Variants in GPR176 observed in about 807,000 individuals in gnomAD.
GPR176 encodes G-protein coupled receptor 176.
GPR176 carries 26 observed loss-of-function variants against 35.4 expected under a neutral mutation model. The observed-to-expected ratio is 0.74, with a 90% confidence interval of 0.54 to 1.02. The LOEUF is 1.02. GPR176 is among the 50% of genes least tolerant of loss of function. GPR176 has a pLI of 0.00. For synonymous variants in GPR176, 278 were observed against 271.3 expected, an observed-to-expected ratio of 1.02 and a Z score of -0.24; for missense variants, 597 against 665.3, an observed-to-expected ratio of 0.90 and a Z score of 1.13.
intron 1 of GPR176, among the ~76,000 whole-genome samples, chr15:39,903,534 AT>A (rs1341729233): frequency 6.6e-6 from 1 of 152,120 alleles, no homozygotes; most frequent in Non-Finnish European, 1.5e-5. Context: ...AATGAGAATG[AT>A]TACTTGTGGC....
rs368646413 is a variant in GPR176, at chr15:39,919,936, G to A, written c.91C>T (p.Leu31Phe). The change falls in exon 1 of 3, where the codon CTC (leucine) becomes TTC (phenylalanine). Residue 31 changes from leucine (L) to phenylalanine (F), a missense_variant. Leu to Phe is a conservative substitution (Grantham distance 22). Around this residue, in one of 3 missense-constraint regions of GPR176, gnomAD observed 126 missense variants for 112.4 expected, o/e 1.12. Coordinates refer to ENST00000561100, the MANE Select transcript of GPR176 (RefSeq NM_007223.3). ...AGCTGCGCCTCGCCGAACTCCCCGA[G>A]CGCGCTGCGGTTCACACCCGCAGCC... is the stretch of plus-strand genomic sequence containing the variant. ...AEAAGVNRSA[L>F]GEFGEAQLYR... 30 of 1,518,300 alleles carry A rather than the reference G, an allele frequency of 2.0e-5. No individual in the cohort carries two copies. Among genetic ancestry groups the A allele is most frequent in the Non-Finnish European group, 2.5e-5 (28 of 1,136,780 alleles). The allele number at this position is 1,518,300 out of a possible 1,614,324, so 94.1% of individuals were successfully genotyped here. A position where few individuals can be genotyped will look rare whatever the true frequency, so the allele number is the denominator to read the frequency against.
intron 2 of GPR176, among the ~76,000 whole-genome samples, chr15:39,804,519 ACCAAGGC>A (rs1899077626): frequency 6.6e-6 from 1 of 152,130 alleles, no homozygotes; most frequent in South Asian, 2.1e-4. Context: ...TTTGTTTAAG[ACCAAGGC>A]CCCAGAAGTA....
At chr15:39,915,748 AG>A (rs1455419756) in intron 1 of GPR176, among the ~76,000 whole-genome samples, 2 of 152,064 alleles carry the variant, frequency 1.3e-5, no homozygotes, top group Non-Finnish European at 2.9e-5. Context: ...GCGTGGTGGC[AG>A]GCACCTGTAA....
intron 1 of GPR176, among the ~76,000 whole-genome samples, chr15:39,890,567 A>C (rs1566964026): frequency 6.6e-6 from 1 of 152,270 alleles, no homozygotes; most frequent in East Asian, 1.9e-4. Flanking sequence ...TTTGACTGTA[A>C]ATTATACTTT....
chr15:39,853,124 A>G (rs1437533331), intron 1 of GPR176, among the ~76,000 whole-genome samples: 1 of 152,212 alleles, frequency 6.6e-6, no homozygotes, highest in African/African-American at 2.4e-5. Context: ...ACTCATGGTC[A>G]TTGCAGCATT....
intron 1 of GPR176, among the ~76,000 whole-genome samples, chr15:39,807,935 T>G (rs970773975): frequency 1.3e-5 from 2 of 152,210 alleles, no homozygotes; most frequent in African/African-American, 4.8e-5. Context: ...TGTTCTAGAC[T>G]TCAGCAGCAA....
intron 1 of GPR176, among the ~76,000 whole-genome samples, chr15:39,918,044 T>A (rs1273734299): frequency 3.0e-4 from 33 of 111,448 alleles, no homozygotes; most frequent in South Asian, 1.0e-3. Flanking sequence ...AAACTCTGTC[T>A]AAAAAAAAAA....
chr15:39,915,068 T>C (rs555409834), intron 1 of GPR176, among the ~76,000 whole-genome samples: 1 of 152,232 alleles, frequency 6.6e-6, no homozygotes, highest in African/African-American at 2.4e-5. Flanking sequence ...CACAGGCAAG[T>C]TGGATCTTTA....
At chr15:39,866,588 T>C (rs2140834342) in intron 1 of GPR176, among the ~76,000 whole-genome samples, 1 of 152,232 alleles carries the variant, frequency 6.6e-6, no homozygotes, top group African/African-American at 2.4e-5. Context: ...TATTATAGGA[T>C]TTTTTAAGTG....
chr15:39,886,971 T>G (rs572757322), intron 1 of GPR176, among the ~76,000 whole-genome samples: 38 of 152,222 alleles, frequency 2.5e-4, no homozygotes, highest in Admixed American at 2.2e-3. Context: ...GGCCATACGT[T>G]GGGACCCCAA....
intron 1 of GPR176, among the ~76,000 whole-genome samples, chr15:39,830,934 CA>C (rs1358494487): frequency 6.6e-6 from 1 of 152,152 alleles, no homozygotes; most frequent in Non-Finnish European, 1.5e-5. Context: ...GAGTCAATGT[CA>C]GTATAAGCAA....
intron 1 of GPR176, among the ~76,000 whole-genome samples, chr15:39,869,572 AT>A (rs2031969467): frequency 6.6e-6 from 1 of 151,290 alleles, no homozygotes; most frequent in Non-Finnish European, 1.5e-5. Context: ...TCCATTCCTT[AT>A]TTTTTTCTTC....
rs755366702 is a variant in GPR176, at chr15:39,801,589, C to T, written c.1091G>A (p.Arg364His). The T allele has an allele frequency of 5.6e-6, 9 of 1,613,460 alleles. No homozygotes were observed. The highest frequency in any genetic ancestry group is 1.3e-5 in the African/African-American group (1 of 74,914). The change falls in exon 3 of 3, where the codon CGC (arginine) becomes CAC (histidine). Residue 364 changes from arginine to histidine, a missense_variant. This residue lies in a region of GPR176 where 251 missense variants were observed against 255.4 expected (regional missense o/e 0.98). Coordinates refer to ENST00000561100, the MANE Select transcript of GPR176 (RefSeq NM_007223.3). ...MAEASLEPSI[R>H]SGSQLLEMFH... ...CATCTCCAGGAGCTGGCTACCCGAG[C>T]GTATGCTGGGTTCCAGGCTGGCCTC...
At chr15:39,888,550 T>C (rs770212320) in intron 1 of GPR176, among the ~76,000 whole-genome samples, 1 of 152,216 alleles carries the variant, frequency 6.6e-6, no homozygotes, top group Non-Finnish European at 1.5e-5. Context: ...TGCCTTGGAC[T>C]TCCAAAGTGC....
At chr15:39,886,599 G>A (rs2032684564) in intron 1 of GPR176, among the ~76,000 whole-genome samples, 1 of 152,134 alleles carries the variant, frequency 6.6e-6, no homozygotes, top group African/African-American at 2.4e-5. Flanking sequence ...CTTGGCACAC[G>A]AATACTAATT....
rs1307312751 is a variant in GPR176 at position 39,855,014 on chromosome 15, G to GGGTATGAT, written c.173-47757_173-47756insATCATACC. ...TGCAGTCAGCTATGATCATGCCCCTGCACTCCAGCCTGGGTAACAGAGTGA... is the reference window on the plus strand; with the variant it reads ...TGCAGTCAGCTATGATCATGCCCCTGGGTATGATCACTCCAGCCTGGGTAACAGAGTGA... On this transcript the variant is annotated intron_variant, in intron 1 of 2. Coordinates refer to ENST00000561100, the MANE Select transcript of GPR176 (RefSeq NM_007223.3). Among the ~76,000 whole-genome samples the GGGTATGAT allele has an allele frequency of 2.2e-4, 33 of 149,606 alleles. No individual in the cohort carries two copies. The South Asian group carries it at 4.4e-3, about 20-fold the overall frequency.
chr15:39,846,382 A>C (rs2030427711), intron 1 of GPR176, among the ~76,000 whole-genome samples: 1 of 152,190 alleles, frequency 6.6e-6, no homozygotes, highest in Non-Finnish European at 1.5e-5. Flanking sequence ...AACAGGCATC[A>C]GTAGAGGCCT....
intron 1 of GPR176, among the ~76,000 whole-genome samples, chr15:39,912,223 G>A (rs553307120): frequency 1.6e-4 from 24 of 152,246 alleles, no homozygotes; most frequent in African/African-American, 5.3e-4. Context: ...TTTGCCTAGA[G>A]CCACTCCTAC....
chr15:39,808,947 T>C lies in GPR176; in HGVS notation c.173-1689A>G, dbSNP rs142741168. ...AACTGTAACAGGCACGTTGGTACAG[T>C]TGGCCCCCAGACTACAGTTTCTTTT... On this transcript the variant is annotated intron_variant, in intron 1 of 2. Coordinates refer to ENST00000561100, the MANE Select transcript of GPR176 (RefSeq NM_007223.3). Among the ~76,000 whole-genome samples, 371 of 152,306 alleles carry C rather than the reference T, an allele frequency of 2.4e-3. 2 individuals are homozygous for C. Among genetic ancestry groups the C allele is most frequent in the Middle Eastern group, 6.8e-3 (2 of 294 alleles).
Sources: gnomAD v4.1 joint callset for allele counts (sites outside exome capture counted in the v4.1 genomes callset) on GRCh38, gnomAD v4.1.1 for gene constraint, gnomAD v4.1.1 regional missense constraint, MANE v1.5 for transcripts, NCBI Gene and HGNC (gene_info 2026-07-23, HGNC 2026-07-21) for gene names.